The following PTH2R variants were observed in gnomAD, a reference collection of about 807,000 sequenced individuals.
PTH2R encodes parathyroid hormone 2 receptor, also known as PTH2 receptor.
PTH2R carries 59 observed loss-of-function variants against 60.3 expected under a neutral mutation model. The observed-to-expected ratio is 0.98, with a 90% CI of 0.79 to 1.22. PTH2R has a LOEUF of 1.22. Among genes scored for constraint, PTH2R ranks in the 50% most tolerant of loss-of-function variants. The probability of loss-of-function intolerance (pLI) is 0.00; values close to 1 mark genes in which losing one functional copy is unlikely to be tolerated. For missense variants in PTH2R, 749 were observed against 682.6 expected (o/e 1.10, Z -1.08); for synonymous variants, 256 against 243.8 (o/e 1.05, Z -0.47).
chr2:208,456,608 G>A (rs1459874424), intron 8 of PTH2R, among the ~76,000 whole-genome samples: 1 of 152,154 alleles, frequency 6.6e-6, no homozygotes, highest in Non-Finnish European at 1.5e-5. Context: ...GTAGTGCTCA[G>A]CCAATTCAAT....
intron 8 of PTH2R, among the ~76,000 whole-genome samples, chr2:208,451,970 AC>A (rs1702415632): frequency 6.6e-6 from 1 of 152,202 alleles, no homozygotes; most frequent in African/African-American, 2.4e-5. Flanking sequence ...TCTTGATTTA[AC>A]TGCTTTGTTA....
At chr2:208,401,863 A>G (rs2105824837), upstream of PTH2R, among the ~76,000 whole-genome samples, 1 of 152,174 alleles carries the variant, frequency 6.6e-6, no homozygotes, top group East Asian at 1.9e-4. Flanking sequence ...TCTGGTGCCT[A>G]AGAGACGCTA....
intron 1 of PTH2R, among the ~76,000 whole-genome samples, chr2:208,385,786 A>G (rs1027514068): frequency 9.2e-5 from 14 of 152,282 alleles, no homozygotes; most frequent in African/African-American, 3.1e-4. Context: ...ACTTAGACAC[A>G]GAATAAAACA....
chr2:208,450,972 C>A (rs1054709871), intron 8 of PTH2R, among the ~76,000 whole-genome samples, 163 bp downstream of exon 8: 11 of 152,108 alleles, frequency 7.2e-5, no homozygotes, highest in African/African-American at 2.4e-4. Flanking sequence ...ACATTACCAG[C>A]AAGCTGTCTA....
intron 1 of PTH2R, among the ~76,000 whole-genome samples, chr2:208,383,023 A>G (rs1008371722): frequency 1.3e-5 from 2 of 152,224 alleles, no homozygotes; most frequent in African/African-American, 2.4e-5. Flanking sequence ...CCTGTGCACT[A>G]ATCAGTTCAC....
intron 10 of PTH2R, 55 bp downstream of exon 10, chr2:208,481,219 CTTTT>C (rs34570534): frequency 0.011 from 9,089 of 820,622 alleles, no homozygotes; most frequent in South Asian, 0.014. Context: ...TATTTCTTTC[CTTTT>C]TTTTTTTTTT....
At chr2:208,491,389 A>G (rs1280647035) in intron 12 of PTH2R, among the ~76,000 whole-genome samples, 1 of 152,170 alleles carries the variant, frequency 6.6e-6, no homozygotes, top group Non-Finnish European at 1.5e-5. Context: ...AGGAGGGGTA[A>G]GTAGGTCAGT....
intron 1 of PTH2R, among the ~76,000 whole-genome samples, chr2:208,415,655 C>A (rs557579480): frequency 1.3e-5 from 2 of 152,254 alleles, no homozygotes; most frequent in African/African-American, 4.8e-5. Flanking sequence ...GATACTACAG[C>A]TGTGCTAATA....
At chr2:208,422,337 G>A (rs1440411898) in intron 1 of PTH2R, among the ~76,000 whole-genome samples, 1 of 152,088 alleles carries the variant, frequency 6.6e-6, no homozygotes, top group Non-Finnish European at 1.5e-5. Flanking sequence ...ATGTAATCTG[G>A]GCACCCATGG....
chr2:208,457,526 A>G (rs184021172), intron 8 of PTH2R, among the ~76,000 whole-genome samples: 8 of 152,224 alleles, frequency 5.3e-5, no homozygotes, highest in African/African-American at 1.9e-4. Context: ...AAGAAATAAA[A>G]CATACACTTT....
At chr2:208,363,878 GTTAAT>G (rs1700528935) in intron 1 of PTH2R, among the ~76,000 whole-genome samples, 1 of 152,022 alleles carries the variant, frequency 6.6e-6, no homozygotes, top group African/African-American at 2.4e-5. Flanking sequence ...TTTTTTGCTT[GTTAAT>G]TTAAGTTTCA....
chr2:208,493,599 G>A lies in PTH2R; in HGVS notation c.1593G>A (p.Arg531=), dbSNP rs372500667. 6.0e-5 allele frequency: 96 copies of A among 1,603,728 alleles called. No individual in the cohort carries two copies. In the South Asian group the frequency reaches 9.1e-4, roughly 15 times the overall value. The change falls in exon 13 of 13, where the codon AGG becomes AGA. Residue 531 remains arginine, a synonymous_variant. Coordinates refer to ENST00000272847, the MANE Select transcript of PTH2R (RefSeq NM_005048.4). ...ATATTCTAATGGAGAAGCCTTCCAG[G>A]CCTATGGAATCTAACCCAGACACTG... The part of the protein sequence containing the change: ...GDDILMEKPS[R]PMESNPDTEG...
At chr2:208,465,534 C>T (rs1448686437) in intron 9 of PTH2R, among the ~76,000 whole-genome samples, 2 of 149,616 alleles carry the variant, frequency 1.3e-5, no homozygotes, top group Non-Finnish European at 3.0e-5. Flanking sequence ...TCCCGAGTAG[C>T]TGATATTACA....
chr2:208,386,410 A>G (rs1269661838), intron 1 of PTH2R, among the ~76,000 whole-genome samples: 2 of 152,178 alleles, frequency 1.3e-5, no homozygotes, highest in Admixed American at 6.5e-5. Flanking sequence ...TCTTGACTGT[A>G]TCTGTGTCAA....
chr2:208,490,285 T>C (rs1386264289), intron 11 of PTH2R, among the ~76,000 whole-genome samples: 4 of 152,114 alleles, frequency 2.6e-5, no homozygotes, highest in Non-Finnish European at 5.9e-5. Flanking sequence ...ATACTTTATG[T>C]TTGTAGTTTT....
At chr2:208,493,208 A>C (rs1156643150) in intron 12 of PTH2R, 56 bp from the exon 13 acceptor site, 1 of 1,399,724 alleles carries the variant, frequency 7.1e-7, no homozygotes, top group Non-Finnish European at 9.4e-7. Context: ...CTTTGTAACA[A>C]GGCTGCAGGG....
At chr2:208,424,596 T>C (rs1006486033) in intron 1 of PTH2R, among the ~76,000 whole-genome samples, 1 of 152,210 alleles carries the variant, frequency 6.6e-6, no homozygotes, top group African/African-American at 2.4e-5. Context: ...TTGGTTTTAA[T>C]TGTCCCTTGG....
At chr2:208,424,347 A>G (rs1034609312) in intron 1 of PTH2R, among the ~76,000 whole-genome samples, 1 of 152,170 alleles carries the variant, frequency 6.6e-6, no homozygotes, top group African/African-American at 2.4e-5. Context: ...GTGTTCTTGT[A>G]TAAGTGGTTA....
chr2:208,379,045 C>G (rs1027793271), intron 1 of PTH2R, among the ~76,000 whole-genome samples: 3 of 152,128 alleles, frequency 2.0e-5, no homozygotes, highest in Admixed American at 6.5e-5. Context: ...CTAAAGATAG[C>G]TAGTGAAACA....
Sources: allele counts gnomAD v4.1 joint callset (sites outside exome capture counted in the v4.1 genomes callset), GRCh38; gene constraint gnomAD v4.1.1; transcripts MANE v1.5; gene names NCBI Gene and HGNC (gene_info 2026-07-23, HGNC 2026-07-21).